Variants in LRP1B observed in about 807,000 individuals in gnomAD.
The protein encoded by LRP1B is low-density lipoprotein receptor-related protein 1B.
A neutral mutation model predicts 556.6 loss-of-function variants in LRP1B; 217 were observed. That is an observed-to-expected ratio of 0.39 (90% CI 0.35 to 0.44). The LOEUF (loss-of-function observed/expected upper bound fraction) is 0.44, where lower values mean the gene tolerates loss of function less well. LRP1B is among the 20% of genes least tolerant of loss of function. The probability of loss-of-function intolerance (pLI) is 1.00; values close to 1 mark genes in which losing one functional copy is unlikely to be tolerated. For synonymous variants in LRP1B, 2,047 were observed against 1,865.8 expected (o/e 1.10, Z -2.50); for missense variants, 5,053 against 5,620.8 (o/e 0.90, Z 3.23).
At chr2:142,001,081 C>T (rs1228653271) in intron 1 of LRP1B, among the ~76,000 whole-genome samples, 2 of 152,102 alleles carry the variant, frequency 1.3e-5, no homozygotes, top group Non-Finnish European at 2.9e-5. Flanking sequence ...TTCTCTCTTG[C>T]CTGCCTACCT....
chr2:141,591,208 C>G (rs1271966171), intron 2 of LRP1B, among the ~76,000 whole-genome samples: 1 of 152,162 alleles, frequency 6.6e-6, no homozygotes, highest in Admixed American at 6.6e-5. Flanking sequence ...TTCCTAATTA[C>G]TCCAGAGCTT....
intron 86 of LRP1B, among the ~76,000 whole-genome samples, chr2:140,248,004 C>T (rs1681242988): frequency 6.6e-6 from 1 of 151,340 alleles, no homozygotes; most frequent in African/African-American, 2.4e-5. Context: ...TGTCAAATAC[C>T]ACCATATCAA....
chr2:140,371,861 T>C (rs1055941410), intron 69 of LRP1B, among the ~76,000 whole-genome samples: 2 of 152,034 alleles, frequency 1.3e-5, no homozygotes, highest in Admixed American at 6.6e-5. Context: ...TATGAATACA[T>C]GTGTAATTAA....
At chr2:142,047,211 G>T (rs939760974) in intron 1 of LRP1B, among the ~76,000 whole-genome samples, 1 of 151,884 alleles carries the variant, frequency 6.6e-6, no homozygotes, top group African/African-American at 2.4e-5. Flanking sequence ...TATGGAAATG[G>T]TCTCCTAGAG....
chr2:141,571,945 C>T (rs546921799), intron 2 of LRP1B, among the ~76,000 whole-genome samples: 205 of 152,106 alleles, frequency 1.3e-3, no homozygotes, highest in Non-Finnish European at 2.3e-3. Flanking sequence ...AAGACTGAAC[C>T]GACGATTGAT....
At chr2:141,136,898 A>C (rs1489349895) in intron 7 of LRP1B, among the ~76,000 whole-genome samples, 1 of 151,938 alleles carries the variant, frequency 6.6e-6, no homozygotes, top group Non-Finnish European at 1.5e-5. Context: ...AGTTAAAAGA[A>C]AGTAGAAAAT....
At chr2:140,493,339 G>C (rs1337963029) in intron 56 of LRP1B, among the ~76,000 whole-genome samples, 1 of 152,120 alleles carries the variant, frequency 6.6e-6, no homozygotes, top group Non-Finnish European at 1.5e-5. Flanking sequence ...ATCTGGGAAA[G>C]AGCGTGATAA....
intron 43 of LRP1B, among the ~76,000 whole-genome samples, chr2:140,549,823 G>T (rs923110535): frequency 6.6e-6 from 1 of 151,996 alleles, no homozygotes; most frequent in Non-Finnish European, 1.5e-5. Context: ...AGCATACAGC[G>T]GGGCCTAGCA....
In LRP1B at chr2:140,994,017, G is replaced by A. The variant is rs775728525; in HGVS notation, c.2622C>T (p.Ser874=). Residue 874 remains serine, a synonymous_variant, in exon 16 of 91, where the codon AGC becomes AGT. Transcript: ENST00000389484. ...CDGDDDCLDG[S]DEDSVNCFNH... The stretch of plus-strand genomic sequence containing the variant: ...TACAGCAGTTTACTGAATCCTCATC[G>A]CTTCCGTCTAGGCAGTCATCGTCGC... 64 of 1,612,252 alleles carry A rather than the reference G, an allele frequency of 4.0e-5. No homozygotes were observed. Among genetic ancestry groups the A allele is most frequent in the South Asian group, 5.5e-5 (5 of 91,024 alleles).
rs1309127613 is a variant in LRP1B, at chr2:140,314,956, T to C, written c.12784A>G (p.Thr4262Ala). ...TTACCTAGAACTGATGGTACGCAAG[T>C]TCCTCCATTCTGGCAGTAGTTGCTA... ...HCSNYCQNGG[T>A]CVPSVLGRPT... is the part of the protein sequence containing the mutation. Residue 4262 changes from threonine to alanine, a missense_variant, in exon 83 of 91, where the codon ACT becomes GCT. By Grantham distance (58) the Thr-to-Ala change is moderately conservative. Transcript: ENST00000389484. 2 of 1,607,086 alleles carry C rather than the reference T, an allele frequency of 1.2e-6. No individual in the cohort carries two copies. The highest frequency in any genetic ancestry group is 2.2e-5 in the South Asian group (2 of 89,608).
At chr2:140,635,754 A>G (rs750142716) in intron 41 of LRP1B, among the ~76,000 whole-genome samples, 38 of 152,134 alleles carry the variant, frequency 2.5e-4, no homozygotes, top group Non-Finnish European at 4.3e-4. Flanking sequence ...TGGTGCAAGT[A>G]AAGAAAGATG....
intron 60 of LRP1B, among the ~76,000 whole-genome samples, chr2:140,470,654 A>AT (rs1687729498): frequency 6.6e-6 from 1 of 150,586 alleles, no homozygotes; most frequent in Non-Finnish European, 1.5e-5. Context: ...CAAAAAAAAA[A>AT]AAAAAAAAAA....
chr2:140,931,481 G>GAA (rs36035792), intron 20 of LRP1B, among the ~76,000 whole-genome samples: 50 of 148,660 alleles, frequency 3.4e-4, no homozygotes, highest in African/African-American at 9.6e-4. Flanking sequence ...AATGATAAGT[G>GAA]AAAAAAAAAA....
chr2:140,949,759 T>C (rs1695652595), intron 20 of LRP1B, among the ~76,000 whole-genome samples: 3 of 150,850 alleles, frequency 2.0e-5, no homozygotes, highest in South Asian at 2.1e-4. Flanking sequence ...GCTAACATGG[T>C]GAAACCCCGT....
Position 142,130,671 on chromosome 2 carries a change from A to C in LRP1B, c.59T>G (p.Val20Gly), listed in dbSNP as rs918186602. 6.2e-7 allele frequency: 1 copy of C among 1,613,476 alleles called. No individual in the cohort carries two copies. The highest frequency in any genetic ancestry group is 8.5e-7 in the Non-Finnish European group (1 of 1,179,698). The change falls in exon 1 of 91, where the codon GTG (valine) becomes GGG (glycine). Residue 20 changes from valine to glycine, a missense_variant. Physicochemically the swap from Val to Gly is moderately radical, Grantham distance 109. Coordinates refer to ENST00000389484, the MANE Select transcript of LRP1B (RefSeq NM_018557.3). ...ACCTCGGTCGGCTCCCACGGTCAGC[A>C]CCCTGGCAATCGGCAATAATCCCGA... Reference protein sequence around the residue: ...TLSGLLPIARVLTVGADRDQQ... With the variant: ...TLSGLLPIARGLTVGADRDQQ...
chr2:141,805,970 C>G (rs1305958199), intron 2 of LRP1B, among the ~76,000 whole-genome samples: 1 of 152,026 alleles, frequency 6.6e-6, no homozygotes, highest in Admixed American at 6.6e-5. Context: ...GACTGAAGAA[C>G]TCACTCAATG....
intron 22 of LRP1B, among the ~76,000 whole-genome samples, chr2:140,907,589 G>C (rs773488099): frequency 3.3e-5 from 5 of 152,050 alleles, no homozygotes; most frequent in African/African-American, 4.8e-5. Context: ...GTTCAACTGC[G>C]GGAACATCAC....
intron 11 of LRP1B, among the ~76,000 whole-genome samples, chr2:141,026,425 C>A (rs1271326824): frequency 2.6e-5 from 4 of 152,012 alleles, no homozygotes; most frequent in African/African-American, 7.2e-5. Context: ...GCTTAGAAAT[C>A]ATGTTTAGTG....
chr2:141,114,605 T>C (rs1700834166), intron 7 of LRP1B, among the ~76,000 whole-genome samples: 1 of 152,006 alleles, frequency 6.6e-6, no homozygotes, highest in East Asian at 1.9e-4. Flanking sequence ...GAAGTTGGGG[T>C]TTATATGAAC....
Sources: gnomAD v4.1 joint callset for allele counts (sites outside exome capture counted in the v4.1 genomes callset) on GRCh38, gnomAD v4.1.1 for gene constraint, MANE v1.5 for transcripts, NCBI Gene and HGNC (gene_info 2026-07-23, HGNC 2026-07-21) for gene names.